Variants in PIBF1 observed in about 807,000 individuals in gnomAD.
PIBF1 encodes progesterone-induced-blocking factor 1.
PIBF1 carries 90 observed loss-of-function variants against 112.5 expected under a neutral mutation model. That is an observed-to-expected ratio of 0.80 (90% CI 0.67 to 0.95). PIBF1 has a LOEUF of 0.95. Among genes scored for constraint, PIBF1 ranks in the 40% least tolerant of loss-of-function variants. PIBF1 has a pLI of 0.00. For synonymous variants in PIBF1, 301 were observed against 288.6 expected (o/e 1.04, Z -0.44); for missense variants, 915 against 852.3 (o/e 1.07, Z -0.92).
chr13:72,851,296 C>T (rs561630743), intron 9 of PIBF1, among the ~76,000 whole-genome samples: 72 of 152,344 alleles, frequency 4.7e-4, no homozygotes, highest in African/African-American at 1.6e-3. Context: ...CCCCTTCCCC[C>T]ACGGGTTCAG....
intron 6 of PIBF1, among the ~76,000 whole-genome samples, chr13:72,826,088 TGA>T (rs2036800200): frequency 6.6e-6 from 1 of 151,030 alleles, no homozygotes; most frequent in African/African-American, 2.4e-5. Context: ...AAATTGCATG[TGA>T]AAGCACAAAA....
chr13:72,955,000 A>G (rs2042403351), intron 14 of PIBF1, among the ~76,000 whole-genome samples: 1 of 152,234 alleles, frequency 6.6e-6, no homozygotes, highest in Admixed American at 6.5e-5. Flanking sequence ...ATTGGAGGAA[A>G]CAGAGCAATG....
intron 12 of PIBF1, among the ~76,000 whole-genome samples, chr13:72,916,412 A>ATG (rs201272298): frequency 8.5e-4 from 123 of 144,720 alleles, no homozygotes; most frequent in Middle Eastern, 3.5e-3. Context: ...ATATATATAT[A>ATG]TATTTTTTTA....
In PIBF1 at chr13:72,783,528, C is replaced by T. The variant is rs2034416994; in HGVS notation, c.59C>T (p.Ser20Phe). Residue 20 changes from serine (S) to phenylalanine (F), a missense_variant, in exon 2 of 18, where the codon TCT becomes TTT. Coordinates refer to ENST00000326291, the MANE Select transcript of PIBF1 (RefSeq NM_006346.4). ...KKVNISSSLE[S>F]EDISLETTVP... Reference sequence around the variant, plus strand: ...GTGAACATCTCTAGTTCTCTGGAATCTGAAGATATTAGTTTAGAAACAACA... The same window carrying T: ...GTGAACATCTCTAGTTCTCTGGAATTTGAAGATATTAGTTTAGAAACAACA... The T allele has an allele frequency of 6.2e-7, 1 of 1,612,926 alleles. No individual in the cohort carries two copies. Among genetic ancestry groups the T allele is most frequent in the African/African-American group, 1.3e-5 (1 of 74,872 alleles).
In PIBF1 at chr13:72,940,750, A is replaced by G. The variant is rs535475007; in HGVS notation, c.1833+9483A>G. Among the ~76,000 whole-genome samples the G allele has an allele frequency of 5.9e-5, 9 of 152,244 alleles. No individual in the cohort carries two copies. In the South Asian group the frequency reaches 1.0e-3, roughly 18 times the overall value. On this transcript the variant is annotated intron_variant, in intron 14 of 17. Transcript: ENST00000326291. The stretch of plus-strand genomic sequence containing the variant: ...GGCCAATTTCTCCCCCATTACTACA[A>G]CCAAACTCTTTGAGTATTCCATGTC...
chr13:72,974,479 C>CT (rs1484079843), intron 16 of PIBF1, among the ~76,000 whole-genome samples: 26 of 152,236 alleles, frequency 1.7e-4, no homozygotes, highest in African/African-American at 5.8e-4. Flanking sequence ...TTGAGTCTGG[C>CT]TTTTCTCAGT....
intron 10 of PIBF1, among the ~76,000 whole-genome samples, chr13:72,893,317 A>G (rs528982556): frequency 1.3e-5 from 2 of 152,100 alleles, no homozygotes; most frequent in African/African-American, 2.4e-5. Context: ...AAATATATGT[A>G]TATGTACTAA....
At chr13:72,870,071 C>T (rs1160496765) in intron 10 of PIBF1, among the ~76,000 whole-genome samples, 1 of 151,800 alleles carries the variant, frequency 6.6e-6, no homozygotes, top group Non-Finnish European at 1.5e-5. Flanking sequence ...AATTTGTTCC[C>T]ACATAATTGT....
chr13:72,791,245 A>C (rs2034912960), intron 2 of PIBF1, among the ~76,000 whole-genome samples: 1 of 151,938 alleles, frequency 6.6e-6, no homozygotes, highest in Non-Finnish European at 1.5e-5. Flanking sequence ...TAGTAGAGAC[A>C]GAGTTTTACT....
intron 14 of PIBF1, among the ~76,000 whole-genome samples, chr13:72,947,904 A>G (rs2042192288): frequency 6.6e-6 from 1 of 152,262 alleles, no homozygotes; most frequent in Non-Finnish European, 1.5e-5. Context: ...CTATGTAGCC[A>G]TAAAAAAGTT....
chr13:72,883,561 A>T (rs1438125439), intron 10 of PIBF1, among the ~76,000 whole-genome samples: 1 of 152,138 alleles, frequency 6.6e-6, no homozygotes. Flanking sequence ...ATCTCTGCCC[A>T]CTGCAAACCT....
intron 5 of PIBF1, among the ~76,000 whole-genome samples, chr13:72,808,904 A>G (rs2035868792): frequency 6.6e-6 from 1 of 152,192 alleles, no homozygotes; most frequent in African/African-American, 2.4e-5. Context: ...ACAACTCCAT[A>G]GTGGTTTACT....
intron 9 of PIBF1, among the ~76,000 whole-genome samples, chr13:72,841,630 C>T (rs1052925132): frequency 2.6e-5 from 4 of 151,962 alleles, no homozygotes; most frequent in Admixed American, 6.6e-5. Context: ...AAAAATTAGC[C>T]AGGCGTGGTG....
chr13:72,785,317 CTA>C (rs1490177917), intron 2 of PIBF1, among the ~76,000 whole-genome samples: 1 of 152,152 alleles, frequency 6.6e-6, no homozygotes, highest in East Asian at 1.9e-4. Context: ...TGTGAATAGA[CTA>C]TGAGGTCCAT....
intron 10 of PIBF1, among the ~76,000 whole-genome samples, chr13:72,872,134 A>G (rs938933092): frequency 2.0e-5 from 3 of 152,230 alleles, no homozygotes; most frequent in Admixed American, 1.3e-4. Context: ...AAAATATAAT[A>G]ATAGTAACTT....
At chr13:72,834,958 A>G (rs1171076215) in intron 8 of PIBF1, among the ~76,000 whole-genome samples, 2 of 152,148 alleles carry the variant, frequency 1.3e-5, no homozygotes, top group African/African-American at 4.8e-5. Context: ...AACTACTAGA[A>G]AAGTGTTTTG....
At chr13:72,961,017 T>G (rs1466641042) in intron 14 of PIBF1, among the ~76,000 whole-genome samples, 2 of 151,968 alleles carry the variant, frequency 1.3e-5, no homozygotes, top group African/African-American at 4.8e-5. Context: ...TTCTTTTCTT[T>G]CACTATTCAT....
intron 14 of PIBF1, among the ~76,000 whole-genome samples, chr13:72,959,369 C>G (rs757421888): frequency 4.6e-5 from 7 of 152,078 alleles, no homozygotes; most frequent in East Asian, 1.9e-4. Context: ...GTGTTGCCCC[C>G]CTATCGGACC....
At chr13:72,834,878 T>C (rs1289025618) in intron 8 of PIBF1, among the ~76,000 whole-genome samples, 1 of 152,174 alleles carries the variant, frequency 6.6e-6, no homozygotes, top group Non-Finnish European at 1.5e-5. Flanking sequence ...TCTCTCAACA[T>C]CATCCTACCA....
Sources: gnomAD v4.1 joint callset for allele counts (sites outside exome capture counted in the v4.1 genomes callset) on GRCh38, gnomAD v4.1.1 for gene constraint, MANE v1.5 for transcripts, NCBI Gene and HGNC (gene_info 2026-07-23, HGNC 2026-07-21) for gene names.